COPS4: variants seen among roughly 807,000 people sequenced by gnomAD.
COPS4 encodes the protein COP9 signalosome subunit 4, also known as COP9 signalosome complex subunit 4.
In COPS4, 8 loss-of-function variants were observed where a neutral mutation model predicts 55.1. The observed-to-expected ratio is 0.15, with a 90% confidence interval of 0.09 to 0.26. The LOEUF is 0.26. Among genes scored for constraint, COPS4 ranks in the 10% least tolerant of loss-of-function variants. The probability of loss-of-function intolerance (pLI) is 1.00; values close to 1 mark genes in which losing one functional copy is unlikely to be tolerated. For synonymous variants in COPS4, 185 were observed against 165.7 expected (o/e 1.12, Z -0.90); for missense variants, 248 against 484.0 (o/e 0.51, Z 4.58).
intron 4 of COPS4, 73 bp downstream of exon 4, chr4:83,050,057 A>G: frequency 1.2e-6 from 1 of 857,988 alleles, no homozygotes; most frequent in Non-Finnish European, 1.8e-6. Context: ...TTTTTCTTAC[A>G]TTCTAGTACA....
chr4:83,049,047 A>T (rs1252379886), intron 2 of COPS4, 119 bp from the exon 3 acceptor site: 1 of 851,774 alleles, frequency 1.2e-6, no homozygotes. Context: ...TCCTTGAATA[A>T]TGCATTGAAG....
At chr4:83,047,479 C>T (rs148843723) in intron 2 of COPS4, among the ~76,000 whole-genome samples, 473 of 151,992 alleles carry the variant, frequency 3.1e-3, no homozygotes, top group African/African-American at 7.0e-3. Context: ...GCTTGAGCCC[C>T]GGTGGTCGAG....
intron 6 of COPS4, among the ~76,000 whole-genome samples, chr4:83,061,915 A>G (rs1177043698): frequency 6.6e-6 from 1 of 152,176 alleles, no homozygotes; most frequent in Admixed American, 6.5e-5. Context: ...ACTTGGATTT[A>G]TCTTGTGTTT....
chr4:83,068,271 G>C (rs1731337405), intron 8 of COPS4, among the ~76,000 whole-genome samples, 167 bp from the exon 9 acceptor site: 1 of 152,192 alleles, frequency 6.6e-6, no homozygotes, highest in South Asian at 2.1e-4. Context: ...TGTACAGCAA[G>C]AATTGGGAAA....
At chr4:83,049,731 G>A (rs1471184819) in intron 3 of COPS4, 150 bp from the exon 4 acceptor site, 12 of 548,890 alleles carry the variant, frequency 2.2e-5, no homozygotes, top group Middle Eastern at 4.3e-4. Flanking sequence ...TGCAAAATTC[G>A]TAGGAAAACT....
chr4:83,040,291 C>T (rs1730527052), intron 1 of COPS4, among the ~76,000 whole-genome samples: 1 of 152,176 alleles, frequency 6.6e-6, no homozygotes, highest in African/African-American at 2.4e-5. Flanking sequence ...GTATCATGCT[C>T]TTTCTGATAA....
intron 1 of COPS4, among the ~76,000 whole-genome samples, chr4:83,039,799 T>A (rs1433197401): frequency 1.3e-5 from 2 of 152,148 alleles, no homozygotes; most frequent in South Asian, 2.1e-4. Flanking sequence ...GCCTGGCTAA[T>A]TTAAAAACAT....
At chr4:83,045,748 C>A in intron 2 of COPS4, 43 bp downstream of exon 2, 1 of 1,358,428 alleles carries the variant, frequency 7.4e-7, no homozygotes, top group Non-Finnish European at 1.0e-6. Context: ...TATTACTGAG[C>A]TAGGACTTTA....
chr4:83,054,752 T>C (rs1730975892), intron 4 of COPS4, among the ~76,000 whole-genome samples: 2 of 152,224 alleles, frequency 1.3e-5, no homozygotes, highest in South Asian at 2.1e-4. Flanking sequence ...GTCATAATTA[T>C]CATTTTATAG....
At chr4:83,073,975 T>C (rs979779884) in intron 9 of COPS4, among the ~76,000 whole-genome samples, 1 of 152,012 alleles carries the variant, frequency 6.6e-6, no homozygotes, top group Admixed American at 6.6e-5. Flanking sequence ...AAAAAGATTT[T>C]ATAGGTTGCT....
At chr4:83,053,003 T>C (rs1468005484) in intron 4 of COPS4, among the ~76,000 whole-genome samples, 1 of 151,946 alleles carries the variant, frequency 6.6e-6, no homozygotes, top group Non-Finnish European at 1.5e-5. Context: ...CTTAGGAGAG[T>C]GGGACAATGA....
intron 9 of COPS4, among the ~76,000 whole-genome samples, chr4:83,070,057 G>A (rs1731383623): frequency 6.6e-6 from 1 of 151,948 alleles, no homozygotes; most frequent in African/African-American, 2.4e-5. Context: ...ATATCAAATA[G>A]TGTTGATCTC....
chr4:83,035,393 C>T (rs1311011991), intron 1 of COPS4, 95 bp downstream of exon 1: 1 of 1,082,456 alleles, frequency 9.2e-7, no homozygotes, highest in African/African-American at 1.6e-5. Flanking sequence ...GGGCGTGAAG[C>T]TAGGAGCCGG....
chr4:83,062,006 A>G (rs1348602452), intron 6 of COPS4, among the ~76,000 whole-genome samples: 1 of 152,188 alleles, frequency 6.6e-6, no homozygotes, highest in Admixed American at 6.5e-5. Context: ...TGGACAGTAG[A>G]TATGCTCATT....
chr4:83,075,298 A>G lies in COPS4; in HGVS notation c.1089A>G (p.Thr363=), dbSNP rs757709458. The change falls in exon 10 of 10, where the codon ACA becomes ACG. Residue 363 remains threonine, a splice_region_variant and synonymous_variant. Coordinates refer to ENST00000264389, the MANE Select transcript of COPS4 (RefSeq NM_016129.3). The part of the protein sequence containing the change: ...DQIDGIVHFE[T]REALPTWDKQ... ...TTTGTACATTTTTTTTCCCCTTAGCACGAGAAGCCCTGCCAACGTGGGATA... is the reference window on the plus strand; with the variant it reads ...TTTGTACATTTTTTTTCCCCTTAGCGCGAGAAGCCCTGCCAACGTGGGATA... The G allele has an allele frequency of 1.2e-6, 2 of 1,613,088 alleles. No individual in the cohort carries two copies. The highest frequency in any genetic ancestry group is 1.1e-5 in the South Asian group (1 of 90,824).
At chr4:83,044,957 G>C (rs1171090036) in intron 1 of COPS4, among the ~76,000 whole-genome samples, 9 of 152,220 alleles carry the variant, frequency 5.9e-5, no homozygotes, top group African/African-American at 1.4e-4. Context: ...CGTGGAGCTT[G>C]TGTGGTCACA....
At chr4:83,045,592 C>CT (rs761419811) in intron 1 of COPS4, 34 bp from the exon 2 acceptor site, 2 of 1,513,124 alleles carry the variant, frequency 1.3e-6, no homozygotes, top group South Asian at 2.3e-5. Context: ...ATATAGTACC[C>CT]TCAGAACATT....
In COPS4 at chr4:83,075,447, T is replaced by C. The variant is rs199618731; in HGVS notation, c.*17T>C. 10 of 1,613,572 alleles carry C rather than the reference T, an allele frequency of 6.2e-6. 1 individual carries two copies. The East Asian group carries it at 2.0e-4, about 32-fold the overall frequency. On this transcript the variant is annotated 3_prime_UTR_variant, in exon 10 of 10. Coordinates refer to ENST00000264389, the MANE Select transcript of COPS4 (RefSeq NM_016129.3). ...GCTCAGTGAATCCTTGCAGAACTTCTGTGCACATGACATCTTTTTCCATGT... is the reference window on the plus strand; with the variant it reads ...GCTCAGTGAATCCTTGCAGAACTTCCGTGCACATGACATCTTTTTCCATGT...
chr4:83,036,121 T>C (rs575191018), intron 1 of COPS4: 1 of 152,270 alleles, frequency 6.6e-6, no homozygotes, highest in Non-Finnish European at 1.5e-5. Flanking sequence ...AAAGTATGCC[T>C]CTCTAGGCCG....
Sources: gnomAD v4.1 joint callset for allele counts (sites outside exome capture counted in the v4.1 genomes callset) on GRCh38, gnomAD v4.1.1 for gene constraint, MANE v1.5 for transcripts, NCBI Gene and HGNC (gene_info 2026-07-23, HGNC 2026-07-21) for gene names.